SCHIP1: variants seen among roughly 807,000 people sequenced by gnomAD.
The protein encoded by SCHIP1 is schwannomin-interacting protein 1.
Under a neutral mutation model 29.7 loss-of-function variants are expected in SCHIP1, and 8 were observed. The ratio of observed to expected loss-of-function variants is 0.27; its 90% confidence interval spans 0.16 to 0.49. The LOEUF (loss-of-function observed/expected upper bound fraction) is 0.49, where lower values mean the gene tolerates loss of function less well. Among genes scored for constraint, SCHIP1 ranks in the 20% least tolerant of loss-of-function variants. SCHIP1 has a pLI of 0.99. For synonymous variants in SCHIP1, 76 were observed against 94.9 expected (o/e 0.80, Z 1.16); for missense variants, 193 against 294.6 (o/e 0.66, Z 2.52).
the SCHIP1 span, among the ~76,000 whole-genome samples, chr3:159,380,618 A>G: frequency 6.6e-6 from 1 of 152,162 alleles, no homozygotes; most frequent in Non-Finnish European, 1.5e-5. Flanking sequence ...AGTATATTGC[A>G]TTTATAATAA....
the SCHIP1 span, among the ~76,000 whole-genome samples, chr3:159,418,192 C>A: frequency 6.6e-6 from 1 of 152,136 alleles, no homozygotes; most frequent in Non-Finnish European, 1.5e-5. Flanking sequence ...GCAAAATATT[C>A]CATTGTGTGT....
chr3:159,273,638 A>G, the SCHIP1 span: 2 of 1,340,522 alleles, frequency 1.5e-6, no homozygotes, highest in Non-Finnish European at 1.9e-6. Flanking sequence ...ATCTACTTTG[A>G]GCTGCTTGAG....
intron 2 of SCHIP1, among the ~76,000 whole-genome samples, chr3:159,883,017 T>C (rs1716602068): frequency 6.6e-6 from 1 of 152,204 alleles, no homozygotes; most frequent in South Asian, 2.1e-4. Flanking sequence ...TCCAGACCCC[T>C]GGTGCTCCCT....
the SCHIP1 span, among the ~76,000 whole-genome samples, chr3:159,732,616 T>G: frequency 6.6e-6 from 1 of 152,112 alleles, no homozygotes; most frequent in Non-Finnish European, 1.5e-5. Flanking sequence ...TAACTTCCTG[T>G]GGGGAGAAGG....
At chr3:159,460,889 T>C in the SCHIP1 span, among the ~76,000 whole-genome samples, 1 of 152,140 alleles carries the variant, frequency 6.6e-6, no homozygotes, top group African/African-American at 2.4e-5. Flanking sequence ...AAAAAATCTG[T>C]AGTGTTCCTT....
chr3:159,398,165 T>C, the SCHIP1 span, among the ~76,000 whole-genome samples: 1 of 152,158 alleles, frequency 6.6e-6, no homozygotes, highest in African/African-American at 2.4e-5. Context: ...AGTGAGGCAA[T>C]GCCTCACCCT....
At chr3:159,843,981 A>T (rs985511655) in intron 1 of SCHIP1, among the ~76,000 whole-genome samples, 1 of 151,596 alleles carries the variant, frequency 6.6e-6, no homozygotes, top group African/African-American at 2.4e-5. Flanking sequence ...GTTTCTTGTT[A>T]GTTTTCTCAT....
intron 1 of SCHIP1, chr3:159,853,456 A>G (rs1352383017): frequency 1.4e-6 from 1 of 697,128 alleles, no homozygotes; most frequent in Non-Finnish European, 2.6e-6. Context: ...AATTATAAAA[A>G]GGTAAGGGGG....
the SCHIP1 span, among the ~76,000 whole-genome samples, chr3:159,338,915 T>G: frequency 1.3e-5 from 2 of 152,132 alleles, no homozygotes; most frequent in African/African-American, 4.8e-5. Flanking sequence ...AATATAATCT[T>G]GAATTCACAT....
At chr3:159,400,362 T>A in the SCHIP1 span, among the ~76,000 whole-genome samples, 2 of 152,186 alleles carry the variant, frequency 1.3e-5, no homozygotes, top group South Asian at 2.1e-4. Flanking sequence ...TTAGTTACTA[T>A]CAAAGAACAG....
chr3:159,761,062 A>G, the SCHIP1 span, among the ~76,000 whole-genome samples: 4 of 152,234 alleles, frequency 2.6e-5, no homozygotes, highest in African/African-American at 9.6e-5. Context: ...ATGAGTAAAA[A>G]TTTACCAAAA....
chr3:159,363,233 A>T, the SCHIP1 span, among the ~76,000 whole-genome samples: 1 of 152,160 alleles, frequency 6.6e-6, no homozygotes, highest in Non-Finnish European at 1.5e-5. Context: ...TTCAAAATAC[A>T]AAAATTGGCC....
At chr3:159,445,667 C>T in the SCHIP1 span, among the ~76,000 whole-genome samples, 1 of 152,080 alleles carries the variant, frequency 6.6e-6, no homozygotes, top group Non-Finnish European at 1.5e-5. Context: ...GAAAATGTGG[C>T]ACATATATAC....
At chr3:159,276,766 A>C in the SCHIP1 span, among the ~76,000 whole-genome samples, 6 of 152,138 alleles carry the variant, frequency 3.9e-5, no homozygotes, top group Non-Finnish European at 8.8e-5. Context: ...AAATGTCTGG[A>C]TATGATGCTT....
At chr3:159,839,792 A>T (rs533882655), upstream of SCHIP1, 2 of 869,850 alleles carry the variant, frequency 2.3e-6, no homozygotes, top group Non-Finnish European at 3.1e-6. Flanking sequence ...AATGAGGACT[A>T]GAATGTTTCC....
chr3:159,556,145 C>T, the SCHIP1 span, among the ~76,000 whole-genome samples: 1 of 152,114 alleles, frequency 6.6e-6, no homozygotes, highest in Non-Finnish European at 1.5e-5. Flanking sequence ...GACATTTATG[C>T]AGCCAAAAAA....
the SCHIP1 span, among the ~76,000 whole-genome samples, chr3:159,798,707 G>C: frequency 1.3e-5 from 2 of 151,876 alleles, no homozygotes. Flanking sequence ...GCAGTGAGCC[G>C]ATATCATGCC....
the SCHIP1 span, among the ~76,000 whole-genome samples, chr3:159,483,538 A>G: frequency 6.6e-6 from 1 of 152,054 alleles, no homozygotes; most frequent in East Asian, 1.9e-4. Context: ...AACATCAGTG[A>G]CAAAAAAAAT....
At chr3:159,369,297 T>G in the SCHIP1 span, among the ~76,000 whole-genome samples, 1 of 152,214 alleles carries the variant, frequency 6.6e-6, no homozygotes, top group Non-Finnish European at 1.5e-5. Context: ...TAAAATCCTT[T>G]TTCAATAAAA....
Sources: gnomAD v4.1 joint callset for allele counts (sites outside exome capture counted in the v4.1 genomes callset) on GRCh38, gnomAD v4.1.1 for gene constraint, MANE v1.5 for transcripts, NCBI Gene and HGNC (gene_info 2026-07-23, HGNC 2026-07-21) for gene names.